AS3MT: variants seen among roughly 807,000 people sequenced by gnomAD.
AS3MT encodes S-adenosyl-L-methionine:arsenic(III) methyltransferase.
Under a neutral mutation model 45.3 loss-of-function variants are expected in AS3MT, and 47 were observed. The ratio of observed to expected loss-of-function variants is 1.04; its 90% CI spans 0.82 to 1.32. The LOEUF is 1.32. AS3MT is among the 40% of genes most tolerant of loss of function. The pLI is 0.00. For synonymous variants in AS3MT, 141 were observed against 152.8 expected (o/e 0.92, Z 0.57); for missense variants, 396 against 451.1 (o/e 0.88, Z 1.11).
rs560829266 is a variant in AS3MT at position 102,897,332 on chromosome 10, A to C, written c.1021-3261A>C. Among the ~76,000 whole-genome samples the C allele has an allele frequency of 1.2e-3, 187 of 151,224 alleles. 3 individuals are homozygous for C. In the Middle Eastern group the frequency reaches 0.051, roughly 41 times the overall value. ...CCGGGAGGCGGAGCTTGCAGTGAGC[A>C]GAGATCATGCCACTGCACTCCAGCC... On this transcript the variant is annotated intron_variant, in intron 10 of 10. Transcript: ENST00000369880.
chr10:102,885,949 G>A (rs1590225429), intron 9 of AS3MT, among the ~76,000 whole-genome samples: 1 of 152,038 alleles, frequency 6.6e-6, no homozygotes, highest in Non-Finnish European at 1.5e-5. Context: ...TTACAGGCTT[G>A]GGCCACCGCA....
At chr10:102,870,578 A>AC (rs1844662341) in intron 3 of AS3MT, among the ~76,000 whole-genome samples, 1 of 152,162 alleles carries the variant, frequency 6.6e-6, no homozygotes, top group Non-Finnish European at 1.5e-5. Flanking sequence ...CCTAAAAAAA[A>AC]GAACCTCCAG....
intron 10 of AS3MT, 51 bp from the exon 11 acceptor site, chr10:102,900,542 A>G (rs751751677): frequency 2.4e-5 from 30 of 1,245,854 alleles, no homozygotes; most frequent in Non-Finnish European, 3.5e-5. Context: ...GTGTTTGGGT[A>G]CATCAAAACA....
chr10:102,889,863 A>T (rs1272599332), intron 9 of AS3MT, among the ~76,000 whole-genome samples: 2 of 151,752 alleles, frequency 1.3e-5, no homozygotes, highest in Non-Finnish European at 2.9e-5. Context: ...TTTTTAGTAG[A>T]GGCAGGGTTT....
intron 10 of AS3MT, among the ~76,000 whole-genome samples, chr10:102,896,658 A>T (rs533501013): frequency 1.1e-4 from 17 of 152,052 alleles, no homozygotes; most frequent in African/African-American, 4.1e-4. Flanking sequence ...ATACAAAAAA[A>T]ATTAGCCGGG....
intron 9 of AS3MT, among the ~76,000 whole-genome samples, chr10:102,890,023 C>T (rs185329996): frequency 0.013 from 1,803 of 137,822 alleles, 48 homozygotes; most frequent in African/African-American, 0.045. Flanking sequence ...GACGGAGTCT[C>T]GCTCTGTTGC....
At chr10:102,878,721 C>A in intron 8 of AS3MT, 128 bp from the exon 9 acceptor site, 1 of 1,353,548 alleles carries the variant, frequency 7.4e-7, no homozygotes, top group Non-Finnish European at 1.0e-6. Context: ...GAGTGAAGTG[C>A]TCAGAAAGAT....
intron 9 of AS3MT, among the ~76,000 whole-genome samples, chr10:102,887,357 G>GT (rs1844974657): frequency 6.6e-6 from 1 of 152,162 alleles, no homozygotes. Flanking sequence ...CTAGTATATA[G>GT]TTTAATGTTT....
intron 9 of AS3MT, among the ~76,000 whole-genome samples, chr10:102,889,313 C>T (rs1269553793): frequency 6.6e-6 from 1 of 152,118 alleles, no homozygotes; most frequent in Non-Finnish European, 1.5e-5. Context: ...TTAGCTTCCA[C>T]ATATCAGTGA....
At chr10:102,894,791 C>A (rs1380115777) in intron 10 of AS3MT, among the ~76,000 whole-genome samples, 1 of 152,204 alleles carries the variant, frequency 6.6e-6, no homozygotes, top group African/African-American at 2.4e-5. Flanking sequence ...TTCTATTGAT[C>A]CCAGGTCTTT....
chr10:102,888,867 A>ATTTTTTTTTTTTTTTTTTT (rs1564794449), intron 9 of AS3MT, among the ~76,000 whole-genome samples: 1 of 88,662 alleles, frequency 1.1e-5, no homozygotes, highest in Non-Finnish European at 2.2e-5. Flanking sequence ...ATATATATAT[A>ATTTTTTTTTTTTTTTTTTT]TATATATATA....
At chr10:102,870,973 G>A (rs961683740) in intron 3 of AS3MT, among the ~76,000 whole-genome samples, 6 of 152,140 alleles carry the variant, frequency 3.9e-5, no homozygotes, top group Non-Finnish European at 8.8e-5. Flanking sequence ...GGCGGGGAGC[G>A]GTGGCTCACG....
intron 10 of AS3MT, among the ~76,000 whole-genome samples, chr10:102,897,765 C>T (rs1404816532): frequency 6.6e-6 from 1 of 152,196 alleles, no homozygotes; most frequent in Non-Finnish European, 1.5e-5. Context: ...TGTGCCCAGC[C>T]ACTCTGGCTA....
rs564650213 is a variant in AS3MT at position 102,895,874 on chromosome 10, C to G, written c.1021-4719C>G. Among the ~76,000 whole-genome samples the G allele has an allele frequency of 2.6e-5, 4 of 152,072 alleles. No homozygotes were observed. In the East Asian group the frequency reaches 7.8e-4, roughly 30 times the overall value. ...CACCGCAACCTCCGCCTCCTGGGTT[C>G]AAGCGGTTCTCCTGCCTCAGCTTCC... On this transcript the variant is annotated intron_variant, in intron 10 of 10. Transcript: ENST00000369880.
chr10:102,879,768 CAA>C (rs1191489555), intron 9 of AS3MT, among the ~76,000 whole-genome samples: 2 of 60,696 alleles, frequency 3.3e-5, no homozygotes, highest in Non-Finnish European at 3.0e-5. Flanking sequence ...GACTCCATCT[CAA>C]AAAAAAAAAA....
At position 102,881,915 on chromosome 10, in the gene AS3MT, A is replaced by AT. The variant is rs1462293651; in HGVS notation, c.885+2931dup. 2.9e-5 allele frequency among the ~76,000 whole-genome samples: 4 copies of AT among 136,332 alleles called. No individual in the cohort carries two copies. The highest frequency in any genetic ancestry group is 6.4e-5 in the Non-Finnish European group (4 of 62,322). The allele number at this position is 136,332 out of a possible 152,430, so 89.4% of individuals were successfully genotyped here. On this transcript the variant is annotated intron_variant, in intron 9 of 10. Coordinates refer to ENST00000369880, the MANE Select transcript of AS3MT (RefSeq NM_020682.4). This position sits in a 1 kb window ranked among gnomAD's most constrained non-coding sequence, Gnocchi z 4.2. ...CATGCCTGGCTAATTTTTTATTTTT[A>AT]TTTTTTTGTTGGTGAGACAGGTTTT...
At chr10:102,899,827 A>G (rs1845242826) in intron 10 of AS3MT, among the ~76,000 whole-genome samples, 1 of 151,908 alleles carries the variant, frequency 6.6e-6, no homozygotes, top group South Asian at 2.1e-4. Context: ...CACCACACCC[A>G]GCTAATTTTT....
At chr10:102,893,720 C>T (rs747285203) in intron 10 of AS3MT, among the ~76,000 whole-genome samples, 2 of 151,968 alleles carry the variant, frequency 1.3e-5, no homozygotes, top group African/African-American at 2.4e-5. Flanking sequence ...AGGCTGGTCT[C>T]GAACTCCTTA....
At chr10:102,898,387 G>A (rs1845215765) in intron 10 of AS3MT, among the ~76,000 whole-genome samples, 1 of 151,958 alleles carries the variant, frequency 6.6e-6, no homozygotes, top group African/African-American at 2.4e-5. Flanking sequence ...CTTGAGGTCA[G>A]GAGTTCAACA....
Sources: gnomAD v4.1 joint callset for allele counts (sites outside exome capture counted in the v4.1 genomes callset) on GRCh38, gnomAD v4.1.1 for gene constraint, Gnocchi (gnomAD v3.1) non-coding constraint, MANE v1.5 for transcripts, NCBI Gene and HGNC (gene_info 2026-07-23, HGNC 2026-07-21) for gene names.